The following TAFA5 variants were observed in gnomAD, a reference collection of about 807,000 sequenced individuals.
TAFA5 encodes the protein chemokine-like protein TAFA-5.
In TAFA5, 6 loss-of-function variants were observed where a neutral mutation model predicts 15.3. The observed-to-expected ratio is 0.39, with a 90% CI of 0.21 to 0.77. TAFA5 has a LOEUF of 0.77. TAFA5 is among the 30% of genes least tolerant of loss of function. The pLI is 0.41. For synonymous variants in TAFA5, 103 were observed against 80.7 expected (o/e 1.28, Z -1.48); for missense variants, 161 against 193.1 (o/e 0.83, Z 0.98).
In TAFA5 at chr22:48,609,123, C is replaced by G. The variant is rs940842833; in HGVS notation, c.113-37474C>G. ...ATGGCCCTGGCAGAGGAGAGCACTGCTGTCGGATGGATGTGCGTAAACAGG... is the reference window on the plus strand; with the variant it reads ...ATGGCCCTGGCAGAGGAGAGCACTGGTGTCGGATGGATGTGCGTAAACAGG... On this transcript the variant is annotated intron_variant, in intron 1 of 3. Transcript: ENST00000402357. 2.0e-5 allele frequency among the ~76,000 whole-genome samples: 3 copies of G among 152,324 alleles called. No homozygotes were observed. The East Asian group carries it at 5.8e-4, about 29-fold the overall frequency.
chr22:48,727,503 A>C (rs1929747991), intron 3 of TAFA5, among the ~76,000 whole-genome samples: 3 of 152,252 alleles, frequency 2.0e-5, no homozygotes, highest in Admixed American at 2.0e-4. Context: ...GAGAGTAAAA[A>C]GCAAGTGACA....
At chr22:48,693,351 C>T (rs576912425) in intron 2 of TAFA5, 41 of 1,612,562 alleles carry the variant, frequency 2.5e-5, no homozygotes, top group Admixed American at 1.7e-4. Context: ...AGCACAAACA[C>T]CCGAAATGTA....
intron 3 of TAFA5, among the ~76,000 whole-genome samples, chr22:48,726,944 C>T (rs1314873891): frequency 6.6e-6 from 1 of 152,186 alleles, no homozygotes; most frequent in Non-Finnish European, 1.5e-5. Context: ...GTTGGCCACT[C>T]CTGGATTCCC....
At chr22:48,635,397 C>T (rs933562471) in intron 1 of TAFA5, among the ~76,000 whole-genome samples, 10 of 152,194 alleles carry the variant, frequency 6.6e-5, no homozygotes, top group African/African-American at 2.4e-4. Context: ...CACAGGCTGA[C>T]CTCCAGCCAC....
chr22:48,666,043 G>T (rs1188038109), intron 2 of TAFA5, among the ~76,000 whole-genome samples: 2 of 152,194 alleles, frequency 1.3e-5, no homozygotes, highest in Non-Finnish European at 2.9e-5. Flanking sequence ...TGGGGACTGG[G>T]AGAGGTCCCC....
rs190882580 is a variant in TAFA5 at position 48,704,475 on chromosome 22, C to T, written c.263-3242C>T. On this transcript the variant is annotated intron_variant, in intron 2 of 3. Coordinates refer to ENST00000402357, the MANE Select transcript of TAFA5 (RefSeq NM_001082967.3). The stretch of plus-strand genomic sequence containing the variant: ...CCCCGGGAAGACGCATGACAGATTC[C>T]GGCCATCCCCACTCATGGCGCCATC... Among the ~76,000 whole-genome samples the T allele has an allele frequency of 5.3e-5, 8 of 152,246 alleles. No homozygotes were observed. In the East Asian group the frequency reaches 1.5e-3, roughly 29 times the overall value.
At chr22:48,654,845 A>T (rs1350803187) in intron 2 of TAFA5, among the ~76,000 whole-genome samples, 1 of 152,048 alleles carries the variant, frequency 6.6e-6, no homozygotes, top group African/African-American at 2.4e-5. Context: ...GCTGGGACAG[A>T]TGTGGGGAGA....
intron 1 of TAFA5, among the ~76,000 whole-genome samples, chr22:48,611,984 G>C (rs1186962951): frequency 2.6e-5 from 4 of 152,184 alleles, no homozygotes; most frequent in Admixed American, 2.6e-4. Flanking sequence ...ATGCCTCTCT[G>C]AGCCTCAGTT....
At chr22:48,700,527 G>C (rs2147245740) in intron 2 of TAFA5, among the ~76,000 whole-genome samples, 1 of 152,326 alleles carries the variant, frequency 6.6e-6, no homozygotes, top group East Asian at 1.9e-4. Context: ...TGGGGTCTGG[G>C]GGTGCCCCTT....
chr22:48,677,548 C>T (rs949033397), intron 2 of TAFA5, among the ~76,000 whole-genome samples: 2 of 152,226 alleles, frequency 1.3e-5, no homozygotes, highest in African/African-American at 2.4e-5. Flanking sequence ...CCAGCAGCAA[C>T]GTGGGACAGC....
chr22:48,526,288 C>CCCCTGCA (rs1445224493), intron 1 of TAFA5, among the ~76,000 whole-genome samples: 2 of 152,248 alleles, frequency 1.3e-5, no homozygotes, highest in East Asian at 3.8e-4. Flanking sequence ...TTGGGGAGGT[C>CCCCTGCA]CCCTGCACCC....
At chr22:48,601,826 C>G (rs1924984647) in intron 1 of TAFA5, among the ~76,000 whole-genome samples, 1 of 152,338 alleles carries the variant, frequency 6.6e-6, no homozygotes, top group South Asian at 2.1e-4. Context: ...TTCCACGTTT[C>G]ACTCCTTTGG....
chr22:48,704,513 G>A (rs779982408), intron 2 of TAFA5, among the ~76,000 whole-genome samples: 30 of 152,104 alleles, frequency 2.0e-4, no homozygotes, highest in South Asian at 4.2e-4. Context: ...CTCTCTCAGC[G>A]CTGTCCCTCG....
chr22:48,587,686 C>T (rs576220366), intron 1 of TAFA5, among the ~76,000 whole-genome samples: 2 of 152,326 alleles, frequency 1.3e-5, no homozygotes, highest in South Asian at 4.1e-4. Context: ...GCTCTCTGGC[C>T]CTCAGGGCAG....
intron 1 of TAFA5, among the ~76,000 whole-genome samples, chr22:48,637,581 G>A (rs568817521): frequency 2.8e-4 from 43 of 152,276 alleles, no homozygotes; most frequent in African/African-American, 1.0e-3. Flanking sequence ...GTCATGAGGC[G>A]GCCTTGCCAG....
At chr22:48,669,949 AAATT>A (rs374400830) in intron 2 of TAFA5, among the ~76,000 whole-genome samples, 2,522 of 151,924 alleles carry the variant, frequency 0.017, 18 homozygotes, top group Non-Finnish European at 0.025. Flanking sequence ...TGGAAATTGA[AAATT>A]AAACAAACTG....
chr22:48,597,044 C>T (rs956620051), intron 1 of TAFA5, among the ~76,000 whole-genome samples: 6 of 152,220 alleles, frequency 3.9e-5, no homozygotes, highest in African/African-American at 9.6e-5. Flanking sequence ...TAGGCTCTGG[C>T]GATCCTCCCG....
chr22:48,736,371 CATCCCCCCAGGAGGAGTGAGAATCGCA>C lies in TAFA5; in HGVS notation c.391-13467_391-13441del, dbSNP rs1366149791. 4.8e-3 allele frequency among the ~76,000 whole-genome samples: 139 copies of C among 28,858 alleles called. 59 individuals are homozygous for C. Among genetic ancestry groups the C allele is most frequent in the African/African-American group, 8.0e-3 (27 of 3,374 alleles). The allele number at this position is 28,858 out of a possible 152,430, so 18.9% of individuals were successfully genotyped here. On this transcript the variant is annotated intron_variant, in intron 3 of 3. Transcript: ENST00000402357. The stretch of plus-strand genomic sequence containing the variant: ...GAATGAGAATCGCACTCCTAGAGTC[CATCCCCCCAGGAGGAGTGAGAATCGCA>C]CTCCTAGAGTCCATCCCCCCAGGAG...
intron 1 of TAFA5, among the ~76,000 whole-genome samples, chr22:48,644,359 C>T (rs142700322): frequency 4.6e-5 from 7 of 152,336 alleles, no homozygotes; most frequent in Admixed American, 1.3e-4. Flanking sequence ...CCCGCAGCCA[C>T]GCACCAGCCA....
Sources: gnomAD v4.1 joint callset for allele counts (sites outside exome capture counted in the v4.1 genomes callset) on GRCh38, gnomAD v4.1.1 for gene constraint, MANE v1.5 for transcripts, NCBI Gene and HGNC (gene_info 2026-07-23, HGNC 2026-07-21) for gene names.